Variants in COL11A1 observed in about 807,000 individuals in gnomAD.
COL11A1 encodes the protein collagen alpha-1(XI) chain.
In COL11A1, 74 loss-of-function variants were observed where a neutral mutation model predicts 265.2. That is an observed-to-expected ratio of 0.28 (90% CI 0.23 to 0.34). The LOEUF is 0.34. Among genes scored for constraint, COL11A1 ranks in the 10% least tolerant of loss-of-function variants. The probability of loss-of-function intolerance (pLI) is 1.00; values close to 1 mark genes in which losing one functional copy is unlikely to be tolerated. For synonymous variants in COL11A1, 816 were observed against 727.6 expected (o/e 1.12, Z -1.96); for missense variants, 2,165 against 2,263.6 (o/e 0.96, Z 0.88).
intron 46 of COL11A1, among the ~76,000 whole-genome samples, chr1:102,924,343 T>G (rs1221251968): frequency 6.6e-6 from 1 of 152,222 alleles, no homozygotes; most frequent in Admixed American, 6.5e-5. Flanking sequence ...TCAAATTTCA[T>G]CTGTCTATGT....
At position 102,915,289 on chromosome 1, in the gene COL11A1, A is replaced by C. The variant is rs145214999; in HGVS notation, c.3816+342T>G. 1.0e-3 allele frequency among the ~76,000 whole-genome samples: 159 copies of C among 152,252 alleles called. 1 individual carries two copies. Among genetic ancestry groups the C allele is most frequent in the African/African-American group, 3.5e-3 (145 of 41,550 alleles). On this transcript the variant is annotated intron_variant, in intron 50 of 66. Transcript: ENST00000370096. Reference sequence around the variant, plus strand: ...ATCGCGTTTTAAACTAATTAGAATAATATAGTCACAATACAATTGACACGT... The same window carrying C: ...ATCGCGTTTTAAACTAATTAGAATACTATAGTCACAATACAATTGACACGT...
intron 63 of COL11A1, among the ~76,000 whole-genome samples, chr1:102,886,057 C>G (rs886743979): frequency 1.3e-5 from 2 of 152,058 alleles, no homozygotes; most frequent in African/African-American, 4.8e-5. Flanking sequence ...ACAATATTTT[C>G]TACAGAGTAA....
At chr1:102,947,991 A>G (rs1659492803) in intron 41 of COL11A1, among the ~76,000 whole-genome samples, 1 of 151,860 alleles carries the variant, frequency 6.6e-6, no homozygotes, top group African/African-American at 2.4e-5. Flanking sequence ...CTTAGATAAC[A>G]TCATCATTTC....
intron 13 of COL11A1, 94 bp downstream of exon 13, chr1:103,014,417 C>A: frequency 1.9e-6 from 2 of 1,042,156 alleles, no homozygotes; most frequent in South Asian, 1.3e-5. Flanking sequence ...AGTAAATATT[C>A]TATTAATAAT....
chr1:102,921,640 G>A, intron 47 of COL11A1, 69 bp from the exon 48 acceptor site: 1 of 1,306,844 alleles, frequency 7.7e-7, no homozygotes, highest in Non-Finnish European at 1.1e-6. Flanking sequence ...TTCATTTTAT[G>A]ACTGAAAAAT....
At chr1:103,045,203 GGGTCACATAA>G (rs1475103156) in intron 4 of COL11A1, among the ~76,000 whole-genome samples, 8 of 152,202 alleles carry the variant, frequency 5.3e-5, no homozygotes, top group African/African-American at 1.9e-4. Context: ...GGTGTGGTAT[GGGTCACATAA>G]GGTCCTGCAG....
chr1:103,049,563 T>A (rs984757258), intron 4 of COL11A1, among the ~76,000 whole-genome samples: 20 of 152,196 alleles, frequency 1.3e-4, no homozygotes, highest in Non-Finnish European at 2.5e-4. Context: ...AATTTGCCAG[T>A]CTGTGTCTTT....
At chr1:103,042,071 C>A (rs1401759320) in intron 4 of COL11A1, among the ~76,000 whole-genome samples, 1 of 151,988 alleles carries the variant, frequency 6.6e-6, no homozygotes, top group East Asian at 1.9e-4. Context: ...TTAATTCTAA[C>A]TTGTACAAGG....
rs74765205 is a variant in COL11A1 at position 102,914,206 on chromosome 1, G to A, written c.3978+146C>T. The stretch of plus-strand genomic sequence containing the variant: ...AGTCTCCAACTATATGGATTTTCCT[G>A]CATTTGCAATTACTTTTTATGTTTT... On this transcript the variant is annotated intron_variant, in intron 52 of 66. Coordinates refer to ENST00000370096, the MANE Select transcript of COL11A1 (RefSeq NM_001854.4). 1.7e-3 allele frequency: 1,176 copies of A among 693,282 alleles called. 14 individuals carry two copies. The African/African-American group carries it at 0.019, about 11-fold the overall frequency. 42.9% of individuals were successfully genotyped at this position (693,282 alleles called of 1,614,324 possible). A position where few individuals can be genotyped will look rare whatever the true frequency, so the allele number is the denominator to read the frequency against.
At chr1:102,969,927 A>G (rs1661795285) in intron 37 of COL11A1, among the ~76,000 whole-genome samples, 1 of 152,136 alleles carries the variant, frequency 6.6e-6, no homozygotes, top group South Asian at 2.1e-4. Flanking sequence ...GAAAATCTTG[A>G]GGAGATGTCC....
intron 13 of COL11A1, among the ~76,000 whole-genome samples, chr1:103,014,191 G>A (rs1045386421): frequency 6.6e-6 from 1 of 151,954 alleles, no homozygotes; most frequent in Non-Finnish European, 1.5e-5. Context: ...AAAACTGGAT[G>A]TGAAAGATAA....
At position 103,004,488 on chromosome 1, in the gene COL11A1, C is replaced by T. The variant is rs2101842703; in HGVS notation, c.1900G>A (p.Gly634Arg). 1.2e-6 allele frequency: 2 copies of T among 1,611,510 alleles called. No individual in the cohort carries two copies. Among genetic ancestry groups the T allele is most frequent in the African/African-American group, 2.7e-5 (2 of 74,924 alleles). ...CTTGGTCCAATTTCTCCATCTTCTC[C>T]CTGTCATTGACAAAATGAATGAGAG... ...PGPPGDDGMR[G>R]EDGEIGPRGL... The change falls in exon 20 of 67, where the codon GGA becomes AGA. Residue 634 changes from glycine to arginine, a missense_variant and splice_region_variant. Physicochemically the swap from Gly to Arg is moderately radical, Grantham distance 125. Coordinates refer to ENST00000370096, the MANE Select transcript of COL11A1 (RefSeq NM_001854.4).
intron 4 of COL11A1, among the ~76,000 whole-genome samples, chr1:103,036,039 AAAAC>A (rs1198152077): frequency 6.6e-6 from 1 of 151,738 alleles, no homozygotes; most frequent in Non-Finnish European, 1.5e-5. Flanking sequence ...ATTAATATTT[AAAAC>A]AAATAAGGAG....
At chr1:103,107,563 A>C (rs1674803922) in intron 1 of COL11A1, among the ~76,000 whole-genome samples, 2 of 135,206 alleles carry the variant, frequency 1.5e-5, no homozygotes, top group African/African-American at 2.8e-5. Flanking sequence ...TTATATCCCC[A>C]AAACTAAAAC....
chr1:103,011,262 A>T (rs891481638), intron 14 of COL11A1, among the ~76,000 whole-genome samples: 2 of 152,148 alleles, frequency 1.3e-5, no homozygotes, highest in Admixed American at 6.5e-5. Context: ...AATAATTAAA[A>T]ATTAACTCTA....
At position 103,021,753 on chromosome 1, in the gene COL11A1, G is replaced by A. The variant is rs775644641; in HGVS notation, c.1262C>T (p.Ala421Val). 43 of 1,610,714 alleles carry A rather than the reference G, an allele frequency of 2.7e-5. No homozygotes were observed. Among genetic ancestry groups the A allele is most frequent in the Non-Finnish European group, 3.5e-5 (41 of 1,177,192 alleles). The part of the protein sequence containing the change: ...ITETSINGHG[A>V]YGEKGQKGEP... ...TCCTTTCTGTCCTTTCTCTCCATAT[G>A]CACCATGGCCATTTATCTGTTGAAT... Residue 421 changes from alanine to valine, a missense_variant, in exon 9 of 67, where the codon GCA (alanine) becomes GTA (valine). By Grantham distance (64) the Ala-to-Val change is moderately conservative. Coordinates refer to ENST00000370096, the MANE Select transcript of COL11A1 (RefSeq NM_001854.4).
chr1:102,948,040 TA>T (rs1197753536), intron 41 of COL11A1, among the ~76,000 whole-genome samples: 41 of 151,986 alleles, frequency 2.7e-4, no homozygotes, highest in African/African-American at 9.6e-4. Flanking sequence ...CTGGAAAATA[TA>T]CTACTTTATG....
At chr1:102,922,689 GCT>G (rs1656128065) in intron 47 of COL11A1, among the ~76,000 whole-genome samples, 1 of 152,158 alleles carries the variant, frequency 6.6e-6, no homozygotes, top group Non-Finnish European at 1.5e-5. Flanking sequence ...GTGAGCCACC[GCT>G]CCCGGCCAGC....
intron 4 of COL11A1, among the ~76,000 whole-genome samples, chr1:103,055,652 A>T (rs1670186836): frequency 6.6e-6 from 1 of 152,178 alleles, no homozygotes; most frequent in South Asian, 2.1e-4. Flanking sequence ...TGTCCAACCC[A>T]TGAACCACAT....
Sources: gnomAD v4.1 joint callset for allele counts (sites outside exome capture counted in the v4.1 genomes callset) on GRCh38, gnomAD v4.1.1 for gene constraint, MANE v1.5 for transcripts, NCBI Gene and HGNC (gene_info 2026-07-23, HGNC 2026-07-21) for gene names.